The following CDH18 variants were observed in gnomAD, a reference collection of about 807,000 sequenced individuals.
CDH18 encodes cadherin 18, also known as cadherin-18.
In CDH18, 31 loss-of-function variants were observed where a neutral mutation model predicts 67.9. The ratio of observed to expected loss-of-function variants is 0.46; its 90% CI spans 0.34 to 0.62. The LOEUF (loss-of-function observed/expected upper bound fraction) is 0.62, where lower values mean the gene tolerates loss of function less well. CDH18 is among the 20% of genes least tolerant of loss of function. CDH18 has a pLI of 0.01. For missense variants in CDH18, 890 were observed against 975.5 expected, an observed-to-expected ratio of 0.91 and a Z score of 1.17; for synonymous variants, 362 against 347.2, an observed-to-expected ratio of 1.04 and a Z score of -0.48.
At chr5:19,881,636 G>A (rs1020195056) in intron 2 of CDH18, among the ~76,000 whole-genome samples, 6 of 151,054 alleles carry the variant, frequency 4.0e-5, no homozygotes, top group Admixed American at 1.3e-4. Context: ...AGCCTTCCAC[G>A]TACCTGATTA....
At chr5:20,319,604 C>A (rs1737802262) in intron 1 of CDH18, among the ~76,000 whole-genome samples, 1 of 152,004 alleles carries the variant, frequency 6.6e-6, no homozygotes, top group African/African-American at 2.4e-5. Flanking sequence ...CTTGCATAAC[C>A]ACAAAACATG....
At chr5:20,560,079 G>A (rs1311406689) in intron 1 of CDH18, among the ~76,000 whole-genome samples, 3 of 152,142 alleles carry the variant, frequency 2.0e-5, no homozygotes, top group African/African-American at 4.8e-5. Context: ...ACAAACAGCT[G>A]CTAAGTGCAG....
chr5:20,059,069 C>G (rs919594670), intron 2 of CDH18, among the ~76,000 whole-genome samples: 27 of 152,040 alleles, frequency 1.8e-4, no homozygotes, highest in African/African-American at 6.5e-4. Flanking sequence ...AGGGTGTATG[C>G]GTCCAGGAAT....
intron 2 of CDH18, among the ~76,000 whole-genome samples, chr5:19,921,299 A>C (rs1275403074): frequency 6.6e-6 from 1 of 152,176 alleles, no homozygotes; most frequent in Non-Finnish European, 1.5e-5. Flanking sequence ...TGGGAGGCCA[A>C]GGCGGGCGGA....
chr5:19,486,817 AG>A (rs1472507199), intron 11 of CDH18, among the ~76,000 whole-genome samples: 10 of 124,822 alleles, frequency 8.0e-5, no homozygotes, highest in Non-Finnish European at 1.8e-4. Flanking sequence ...TAAATAAATA[AG>A]ATATTATAGA....
At chr5:19,894,504 T>C (rs1387155112) in intron 2 of CDH18, among the ~76,000 whole-genome samples, 1 of 151,998 alleles carries the variant, frequency 6.6e-6, no homozygotes, top group East Asian at 1.9e-4. Flanking sequence ...AAAAAAAATA[T>C]TTCTAAATTC....
chr5:19,555,597 A>G (rs987065548), intron 8 of CDH18, among the ~76,000 whole-genome samples: 1 of 152,162 alleles, frequency 6.6e-6, no homozygotes, highest in Non-Finnish European at 1.5e-5. Context: ...CCACATCCCC[A>G]TCCTCCACAG....
chr5:20,484,082 G>C (rs1753001927), intron 1 of CDH18, among the ~76,000 whole-genome samples: 1 of 151,760 alleles, frequency 6.6e-6, no homozygotes, highest in Non-Finnish European at 1.5e-5. Flanking sequence ...AACTCTATAG[G>C]AACAAATCTA....
At chr5:20,038,604 C>A (rs990480967) in intron 2 of CDH18, among the ~76,000 whole-genome samples, 1 of 152,170 alleles carries the variant, frequency 6.6e-6, no homozygotes, top group African/African-American at 2.4e-5. Context: ...ATATGATTAT[C>A]TCAATAGATA....
intron 2 of CDH18, among the ~76,000 whole-genome samples, chr5:20,006,108 AG>A (rs1388878494): frequency 1.3e-5 from 2 of 151,994 alleles, no homozygotes; most frequent in Non-Finnish European, 2.9e-5. Context: ...GCAAGATGGA[AG>A]GGGGTAAGTA....
intron 1 of CDH18, among the ~76,000 whole-genome samples, chr5:20,288,089 A>G (rs1016455292): frequency 9.9e-5 from 15 of 151,200 alleles, no homozygotes; most frequent in African/African-American, 3.6e-4. Flanking sequence ...TTTTTTTGTC[A>G]CTGTGGACCA....
At chr5:19,784,331 C>G (rs1775465704) in intron 3 of CDH18, among the ~76,000 whole-genome samples, 4 of 152,062 alleles carry the variant, frequency 2.6e-5, no homozygotes, top group Admixed American at 2.6e-4. Flanking sequence ...ATCCTCTTAC[C>G]ATGATCTGGC....
chr5:20,091,477 C>T (rs1235646778), intron 2 of CDH18, among the ~76,000 whole-genome samples: 5 of 152,088 alleles, frequency 3.3e-5, no homozygotes, highest in Non-Finnish European at 5.9e-5. Flanking sequence ...GCACTCCAGC[C>T]TGGGTGACAG....
intron 1 of CDH18, among the ~76,000 whole-genome samples, chr5:20,522,099 AGAAAGAC>A (rs1755777742): frequency 6.6e-6 from 1 of 152,176 alleles, no homozygotes; most frequent in Non-Finnish European, 1.5e-5. Context: ...GGCCATACAG[AGAAAGAC>A]GTCAGAAACA....
intron 7 of CDH18, among the ~76,000 whole-genome samples, chr5:19,582,036 A>T (rs1459766061): frequency 6.6e-6 from 1 of 152,080 alleles, no homozygotes; most frequent in African/African-American, 2.4e-5. Context: ...ACAAATAAAT[A>T]TTACATGTTT....
intron 1 of CDH18, among the ~76,000 whole-genome samples, chr5:20,342,324 T>C (rs977137915): frequency 5.3e-5 from 8 of 152,076 alleles, no homozygotes; most frequent in Non-Finnish European, 1.0e-4. Context: ...CCATCCCCAG[T>C]AATGGCAATA....
intron 1 of CDH18, among the ~76,000 whole-genome samples, chr5:20,515,105 A>G (rs1755278664): frequency 6.6e-6 from 1 of 152,140 alleles, no homozygotes; most frequent in South Asian, 2.1e-4. Context: ...TGACATAAAT[A>G]CATGTCATGT....
intron 1 of CDH18, among the ~76,000 whole-genome samples, chr5:20,329,560 C>G (rs1031396599): frequency 2.6e-5 from 4 of 151,734 alleles, no homozygotes; most frequent in African/African-American, 9.7e-5. Flanking sequence ...GTCAGGAGTT[C>G]GAGACCAGCC....
At chr5:19,629,051 A>G (rs1752018026) in intron 5 of CDH18, among the ~76,000 whole-genome samples, 1 of 152,210 alleles carries the variant, frequency 6.6e-6, no homozygotes, top group African/African-American at 2.4e-5. Context: ...AGTGTGAGGA[A>G]TGGAGTCAGA....
Sources: allele counts gnomAD v4.1 joint callset (sites outside exome capture counted in the v4.1 genomes callset), GRCh38; gene constraint gnomAD v4.1.1; transcripts MANE v1.5; gene names NCBI Gene and HGNC (gene_info 2026-07-23, HGNC 2026-07-21).